MYO16: variants seen among roughly 807,000 people sequenced by gnomAD.
The protein encoded by MYO16 is myosin XVI, also known as unconventional myosin-XVI.
In MYO16, 94 loss-of-function variants were observed where a neutral mutation model predicts 205.3. The ratio of observed to expected loss-of-function variants is 0.46; its 90% CI spans 0.39 to 0.54. The LOEUF (loss-of-function observed/expected upper bound fraction) is 0.54, where lower values mean the gene tolerates loss of function less well. Ranked by LOEUF, MYO16 falls within the 20% of genes least tolerant of loss-of-function variation. The pLI is 0.00. For missense variants in MYO16, 2,315 were observed against 2,387.5 expected (o/e 0.97, Z 0.63); for synonymous variants, 988 against 954.0 (o/e 1.04, Z -0.66).
chr13:109,083,120 C>T (rs939580250), intron 27 of MYO16, among the ~76,000 whole-genome samples: 20 of 151,980 alleles, frequency 1.3e-4, no homozygotes, highest in Admixed American at 6.6e-4. Flanking sequence ...AGGTAGCTCA[C>T]ACCTGTAATC....
At position 109,125,436 on chromosome 13, in the gene MYO16, A is replaced by T; in HGVS notation, c.3782+78A>T. 6.4e-7 allele frequency: 1 copy of T among 1,553,190 alleles called. No individual in the cohort carries two copies. The highest frequency in any genetic ancestry group is 8.8e-7 in the Non-Finnish European group (1 of 1,140,868). On this transcript the variant is annotated intron_variant, in intron 30 of 34. Coordinates refer to ENST00000457511, the MANE Select transcript of MYO16 (RefSeq NM_001198950.3). The surrounding 1 kb of genome is among the most constrained non-coding windows in gnomAD (Gnocchi z 4.0). ...GTCATGAAAATTCAAATAGCCCTTAATGCAGAGTTCAATCAAATATGACAG... is the reference window on the plus strand; with the variant it reads ...GTCATGAAAATTCAAATAGCCCTTATTGCAGAGTTCAATCAAATATGACAG...
chr13:108,980,714 C>G (rs550748383), intron 20 of MYO16, among the ~76,000 whole-genome samples: 8 of 152,340 alleles, frequency 5.3e-5, no homozygotes, highest in African/African-American at 1.9e-4. Context: ...TCTTCACATA[C>G]TGTCTAGTGG....
At chr13:108,775,210 A>G (rs1305401243) in intron 4 of MYO16, among the ~76,000 whole-genome samples, 7 of 152,222 alleles carry the variant, frequency 4.6e-5, no homozygotes, top group African/African-American at 1.7e-4. Context: ...TACTCAAGGA[A>G]TCAATATGGA....
At chr13:108,651,292 T>C (rs569175670) in intron 1 of MYO16, among the ~76,000 whole-genome samples, 17 of 152,190 alleles carry the variant, frequency 1.1e-4, no homozygotes, top group African/African-American at 4.1e-4. Flanking sequence ...TAGGTTTGAC[T>C]GGACAGCTGG....
At chr13:108,864,420 G>A in intron 11 of MYO16, among the ~76,000 whole-genome samples, 1 of 152,000 alleles carries the variant, frequency 6.6e-6, no homozygotes, top group East Asian at 1.9e-4. Flanking sequence ...AATGTTTGGT[G>A]ATTTTCTAGG....
At chr13:108,745,597 C>G (rs926379623) in intron 4 of MYO16, among the ~76,000 whole-genome samples, 7 of 152,032 alleles carry the variant, frequency 4.6e-5, no homozygotes, top group African/African-American at 1.7e-4. Context: ...CTTCCTAGAC[C>G]TAATGACCTC....
intron 15 of MYO16, among the ~76,000 whole-genome samples, chr13:108,906,827 A>G (rs1230170179): frequency 6.6e-6 from 1 of 152,196 alleles, no homozygotes; most frequent in African/African-American, 2.4e-5. Context: ...TGAAGCCCAG[A>G]GGGCTGCAGG....
chr13:108,805,243 A>G (rs1203314210), intron 6 of MYO16, among the ~76,000 whole-genome samples: 1 of 152,168 alleles, frequency 6.6e-6, no homozygotes, highest in Admixed American at 6.5e-5. Flanking sequence ...TATTAATAAG[A>G]TTAATTCTGT....
At chr13:108,818,583 T>C (rs1364357432) in intron 7 of MYO16, among the ~76,000 whole-genome samples, 3 of 152,116 alleles carry the variant, frequency 2.0e-5, no homozygotes, top group African/African-American at 4.8e-5. Flanking sequence ...ATACCTCAAA[T>C]TGGTTCTTGT....
intron 2 of MYO16, among the ~76,000 whole-genome samples, chr13:108,706,311 C>T (rs916062881): frequency 6.6e-6 from 1 of 151,922 alleles, no homozygotes; most frequent in African/African-American, 2.4e-5. Context: ...AGAAAATATC[C>T]AGGGTAATAT....
At chr13:108,571,744 C>T in the MYO16 span, among the ~76,000 whole-genome samples, 1 of 147,366 alleles carries the variant, frequency 6.8e-6, no homozygotes, top group Non-Finnish European at 1.5e-5. Flanking sequence ...AAAACAAAAC[C>T]AAGTAATGGG....
the MYO16 span, among the ~76,000 whole-genome samples, chr13:108,540,452 AAAG>A: frequency 6.6e-6 from 1 of 152,124 alleles, no homozygotes; most frequent in Non-Finnish European, 1.5e-5. Flanking sequence ...ATGCCATCCA[AAAG>A]AAGTGAATCT....
rs76952704 is a variant in MYO16 at position 108,898,019 on chromosome 13, G to A, written c.1663G>A (p.Val555Met). 8.8e-3 allele frequency: 14,077 copies of A among 1,608,226 alleles called. 76 individuals carry two copies. Among genetic ancestry groups the A allele is most frequent in the Non-Finnish European group, 0.011 (13,046 of 1,174,640 alleles). Residue 555 changes from valine (V) to methionine (M), a missense_variant, in exon 15 of 35, where the codon GTG becomes ATG. Coordinates refer to ENST00000457511, the MANE Select transcript of MYO16 (RefSeq NM_001198950.3). ...ATLDSRFKHV[V>M]CILEAFGHAK... is the part of the protein sequence containing the mutation. ...AAAATGTTCTCCTCTCCCACAGGTC[G>A]TGTGCATCTTAGAAGCCTTTGGACA...
chr13:108,979,454 T>G (rs901721311), intron 20 of MYO16, among the ~76,000 whole-genome samples: 6 of 152,100 alleles, frequency 3.9e-5, no homozygotes, highest in South Asian at 2.1e-4. Context: ...AAAAATAAAT[T>G]TGACACACCA....
chr13:109,010,075 T>A (rs2139483990), intron 22 of MYO16, among the ~76,000 whole-genome samples: 1 of 152,326 alleles, frequency 6.6e-6, no homozygotes, highest in Middle Eastern at 3.4e-3. Flanking sequence ...GATTACCTAT[T>A]TGTCCCTGGC....
At chr13:108,865,686 T>G (rs1453945671) in intron 11 of MYO16, among the ~76,000 whole-genome samples, 1 of 152,128 alleles carries the variant, frequency 6.6e-6, no homozygotes, top group East Asian at 1.9e-4. Flanking sequence ...TATTTTTATT[T>G]GTTCCATCTG....
At chr13:108,900,073 T>A (rs546119630) in intron 15 of MYO16, among the ~76,000 whole-genome samples, 30 of 152,310 alleles carry the variant, frequency 2.0e-4, no homozygotes, top group Admixed American at 1.8e-3. Flanking sequence ...TCATGTTTCC[T>A]TTAGCAAGAG....
chr13:108,759,153 T>C (rs1885515087), intron 4 of MYO16, among the ~76,000 whole-genome samples: 1 of 148,840 alleles, frequency 6.7e-6, no homozygotes, highest in South Asian at 2.1e-4. Flanking sequence ...CTTTTAATCA[T>C]TGTAGTCTGT....
At chr13:108,525,899 T>G in the MYO16 span, among the ~76,000 whole-genome samples, 1 of 152,010 alleles carries the variant, frequency 6.6e-6, no homozygotes, top group Admixed American at 6.6e-5. Context: ...TTTCTTGTTT[T>G]AAGTGTGGCA....
Sources: gnomAD v4.1 joint callset for allele counts (sites outside exome capture counted in the v4.1 genomes callset) on GRCh38, gnomAD v4.1.1 for gene constraint, Gnocchi (gnomAD v3.1) non-coding constraint, MANE v1.5 for transcripts, NCBI Gene and HGNC (gene_info 2026-07-23, HGNC 2026-07-21) for gene names.